The following SPIRE1 variants were observed in gnomAD, a reference collection of about 807,000 sequenced individuals.
SPIRE1 encodes the protein spire type actin nucleation factor 1.
Under a neutral mutation model 94.1 loss-of-function variants are expected in SPIRE1, and 40 were observed. That is an observed-to-expected ratio of 0.43 (90% CI 0.33 to 0.55). The LOEUF is 0.55. SPIRE1 is among the 20% of genes least tolerant of loss of function. SPIRE1 has a pLI of 0.06. For synonymous variants in SPIRE1, 376 were observed against 371.7 expected (o/e 1.01, Z -0.13); for missense variants, 838 against 975.2 (o/e 0.86, Z 1.87).
chr18:12,616,737 A>G (rs1427377344), intron 2 of SPIRE1, among the ~76,000 whole-genome samples: 1 of 152,256 alleles, frequency 6.6e-6, no homozygotes, highest in Admixed American at 6.5e-5. Flanking sequence ...GCCAGGCAAG[A>G]GAGCAGTTTA....
intron 2 of SPIRE1, among the ~76,000 whole-genome samples, chr18:12,609,182 C>T (rs775061874): frequency 2.0e-5 from 3 of 152,238 alleles, no homozygotes; most frequent in Non-Finnish European, 4.4e-5. Context: ...ACCTTCCTAA[C>T]AGGCTGCGTC....
At position 12,626,966 on chromosome 18, in the gene SPIRE1, T is replaced by C. The variant is rs941613526; in HGVS notation, c.372+8096A>G. ...AACAGGTCTGAACTCTTTTGTTATT[T>C]ACATAAACAAAACAAAATTTTTTGA... On this transcript the variant is annotated intron_variant, in intron 2 of 16. Transcript: ENST00000409402. Among the ~76,000 whole-genome samples, 6 of 150,812 alleles carry C rather than the reference T, an allele frequency of 4.0e-5. No homozygotes were observed. In the East Asian group the frequency reaches 1.2e-3, roughly 29 times the overall value.
At chr18:12,521,336 CT>C (rs377466869) in intron 4 of SPIRE1, among the ~76,000 whole-genome samples, 7,410 of 143,290 alleles carry the variant, frequency 0.052, 208 homozygotes, top group Admixed American at 0.085. Flanking sequence ...ATAGCAGATA[CT>C]TTTTTTTTTT....
chr18:12,511,943 G>A (rs937240595), intron 5 of SPIRE1, among the ~76,000 whole-genome samples: 2 of 151,940 alleles, frequency 1.3e-5, no homozygotes, highest in Admixed American at 1.3e-4. Context: ...TTTAGTGATA[G>A]GGTCTCACTA....
chr18:12,506,298 C>T (rs1487814387), intron 6 of SPIRE1, among the ~76,000 whole-genome samples, 179 bp downstream of exon 6: 1 of 152,084 alleles, frequency 6.6e-6, no homozygotes, highest in African/African-American at 2.4e-5. Flanking sequence ...GCTGGAACTA[C>T]AGGTGTGCAC....
chr18:12,621,500 A>C (rs1400587299), intron 2 of SPIRE1, among the ~76,000 whole-genome samples: 3 of 152,254 alleles, frequency 2.0e-5, no homozygotes, highest in Non-Finnish European at 4.4e-5. Context: ...AATGGGTAAC[A>C]AAATACAGTA....
intron 4 of SPIRE1, among the ~76,000 whole-genome samples, chr18:12,521,483 AC>A (rs1199380001): frequency 2.0e-5 from 3 of 151,798 alleles, no homozygotes; most frequent in Middle Eastern, 3.2e-3. Flanking sequence ...ATAGGCGTGC[AC>A]CACCACACCT....
intron 1 of SPIRE1, among the ~76,000 whole-genome samples, chr18:12,641,673 A>C (rs899786064): frequency 1.3e-5 from 2 of 151,860 alleles, no homozygotes; most frequent in Non-Finnish European, 2.9e-5. Flanking sequence ...AGCCTCATAC[A>C]TGAATTTCTA....
chr18:12,589,929 T>C (rs940707143), intron 2 of SPIRE1, among the ~76,000 whole-genome samples: 6 of 152,246 alleles, frequency 3.9e-5, no homozygotes, highest in African/African-American at 1.4e-4. Context: ...AAAACAAATT[T>C]ATATTGATAA....
At chr18:12,563,855 A>G (rs1484289734) in intron 2 of SPIRE1, among the ~76,000 whole-genome samples, 2 of 152,206 alleles carry the variant, frequency 1.3e-5, no homozygotes, top group Non-Finnish European at 2.9e-5. Context: ...AAACAAATCT[A>G]TTTTTATGTA....
At chr18:12,660,849 A>G (rs1163383961), upstream of SPIRE1, among the ~76,000 whole-genome samples, 2 of 152,206 alleles carry the variant, frequency 1.3e-5, no homozygotes, top group Non-Finnish European at 1.5e-5. Flanking sequence ...AGGAAAGATG[A>G]CAAGTAGAAT....
chr18:12,643,466 G>C (rs1361046352), intron 1 of SPIRE1, among the ~76,000 whole-genome samples: 1 of 152,196 alleles, frequency 6.6e-6, no homozygotes, highest in Non-Finnish European at 1.5e-5. Context: ...ACACACATCT[G>C]TGTCCATTCT....
intron 2 of SPIRE1, among the ~76,000 whole-genome samples, chr18:12,576,247 G>A (rs1465555867): frequency 1.3e-5 from 2 of 151,872 alleles, no homozygotes; most frequent in Admixed American, 1.3e-4. Flanking sequence ...ATCTAGAATA[G>A]CCAGAACAAT....
At chr18:12,503,629 G>T (rs1231931095) in intron 6 of SPIRE1, among the ~76,000 whole-genome samples, 1 of 152,002 alleles carries the variant, frequency 6.6e-6, no homozygotes, top group Non-Finnish European at 1.5e-5. Flanking sequence ...CTACTTAGCT[G>T]CTTCCCTACA....
rs185009178 is a variant in SPIRE1 at position 12,472,592 on chromosome 18, C to T, written c.1404+7107G>A. Among the ~76,000 whole-genome samples, 489 of 151,844 alleles carry T rather than the reference C, an allele frequency of 3.2e-3. 1 individual carries two copies. The highest frequency in any genetic ancestry group is 0.011 in the African/African-American group (458 of 41,390). On this transcript the variant is annotated intron_variant, in intron 10 of 16. Coordinates refer to ENST00000409402, the MANE Select transcript of SPIRE1 (RefSeq NM_001128626.2). The stretch of plus-strand genomic sequence containing the variant: ...CCATGTTGCCCAGGCTGGTCTTGAA[C>T]TCCTGGGCTCAAGTGATCCGCCTGC...
Position 12,475,177 on chromosome 18 carries a change from A to G in SPIRE1, c.1404+4522T>C, listed in dbSNP as rs1404500776. 2.0e-5 allele frequency among the ~76,000 whole-genome samples: 3 copies of G among 152,166 alleles called. No homozygotes were observed. In the East Asian group the frequency reaches 5.8e-4, roughly 29 times the overall value. On this transcript the variant is annotated intron_variant, in intron 10 of 16. Transcript: ENST00000409402. ...AGCCCGGCTCACATCTCATAACAAAATGGAAAGCCCTCTGCTGTCTTTTAT... is the reference window on the plus strand; with the variant it reads ...AGCCCGGCTCACATCTCATAACAAAGTGGAAAGCCCTCTGCTGTCTTTTAT...
At chr18:12,628,386 CT>C (rs1001451387) in intron 2 of SPIRE1, among the ~76,000 whole-genome samples, 1 of 152,090 alleles carries the variant, frequency 6.6e-6, no homozygotes, top group Non-Finnish European at 1.5e-5. Flanking sequence ...TCTGAGGCCT[CT>C]GTTCTGTTCC....
At chr18:12,576,256 A>G (rs1170915255) in intron 2 of SPIRE1, among the ~76,000 whole-genome samples, 1 of 151,960 alleles carries the variant, frequency 6.6e-6, no homozygotes, top group African/African-American at 2.4e-5. Flanking sequence ...AGCCAGAACA[A>G]TTTTGGAAAG....
intron 2 of SPIRE1, among the ~76,000 whole-genome samples, chr18:12,611,136 A>C (rs961008669): frequency 6.6e-6 from 1 of 152,150 alleles, no homozygotes; most frequent in Non-Finnish European, 1.5e-5. Context: ...TCAATTAAAA[A>C]CAAAAAAACT....
Sources: gnomAD v4.1 joint callset for allele counts (sites outside exome capture counted in the v4.1 genomes callset) on GRCh38, gnomAD v4.1.1 for gene constraint, MANE v1.5 for transcripts, NCBI Gene and HGNC (gene_info 2026-07-23, HGNC 2026-07-21) for gene names.